The following CD34 variants were observed in gnomAD, a reference collection of about 807,000 sequenced individuals.
CD34 encodes the protein hematopoietic progenitor cell antigen CD34.
CD34 carries 34 observed loss-of-function variants against 40.1 expected under a neutral mutation model. That is an observed-to-expected ratio of 0.85 (90% confidence interval 0.65 to 1.13). The LOEUF is 1.13. Among genes scored for constraint, CD34 ranks in the 50% most tolerant of loss-of-function variants. The pLI is 0.00. For synonymous variants in CD34, 209 were observed against 190.0 expected, an observed-to-expected ratio of 1.10 and a Z score of -0.82; for missense variants, 426 against 466.9, an observed-to-expected ratio of 0.91 and a Z score of 0.81.
rs116284765 is a variant in CD34, at chr1:207,888,908, C to T, written c.808-62G>A. The T allele has an allele frequency of 1.8e-3, 2,743 of 1,541,208 alleles. 46 individuals are homozygous for T. In the African/African-American group the frequency reaches 0.03, roughly 17 times the overall value. On this transcript the variant is annotated intron_variant, in intron 6 of 7. Coordinates refer to ENST00000310833, the MANE Select transcript of CD34 (RefSeq NM_001025109.2). The stretch of plus-strand genomic sequence containing the variant: ...TGCCAAAAGTGGAGCCCAGCCCGCT[C>T]CAGCCCTCTGTGTGTGACTCAACAG...
intron 4 of CD34, among the ~76,000 whole-genome samples, chr1:207,891,408 G>A (rs909430407): frequency 1.2e-4 from 18 of 152,142 alleles, no homozygotes; most frequent in African/African-American, 3.9e-4. Context: ...CCAACCAGGC[G>A]CGGTGACTCA....
At chr1:207,899,398 C>A (rs1024645460) in intron 2 of CD34, among the ~76,000 whole-genome samples, 172 bp from the exon 3 acceptor site, 1 of 152,152 alleles carries the variant, frequency 6.6e-6, no homozygotes, top group African/African-American at 2.4e-5. Flanking sequence ...GGAACAAGAG[C>A]TAGAATCTAG....
At chr1:207,905,426 G>A (rs1024900876) in intron 1 of CD34, among the ~76,000 whole-genome samples, 4 of 152,208 alleles carry the variant, frequency 2.6e-5, no homozygotes, top group African/African-American at 4.8e-5. Context: ...ATGAGCCACC[G>A]TGCGTGGCCG....
At chr1:207,890,996 G>A (rs2745955) in intron 4 of CD34, among the ~76,000 whole-genome samples, 33,645 of 152,040 alleles carry the variant, frequency 0.22, 4,758 homozygotes, top group Non-Finnish European at 0.32. Context: ...TTGTCTCAGG[G>A]GAGCCTTACA....
At chr1:207,894,959 C>T (rs1304859003) in intron 4 of CD34, among the ~76,000 whole-genome samples, 1 of 152,144 alleles carries the variant, frequency 6.6e-6, no homozygotes, top group Non-Finnish European at 1.5e-5. Context: ...TAGACTCATG[C>T]ACATATATTC....
intron 2 of CD34, 134 bp from the exon 3 acceptor site, chr1:207,899,360 TC>T: frequency 2.3e-6 from 2 of 885,434 alleles, no homozygotes; most frequent in Non-Finnish European, 3.6e-6. Context: ...TCGTGTCCCA[TC>T]CCTGACCAAA....
rs899073534 is a variant in CD34, at chr1:207,882,212, A to C, written c.*5526T>G. The C allele has an allele frequency of 6.6e-6, 1 of 152,286 alleles. No individual in the cohort carries two copies. Among genetic ancestry groups the C allele is most frequent in the African/African-American group, 2.4e-5 (1 of 41,464 alleles). 9.4% of individuals were successfully genotyped at this position (152,286 alleles called of 1,614,324 possible). A position where few individuals can be genotyped will look rare whatever the true frequency, so the allele number is the denominator to read the frequency against. Reference sequence around the variant, plus strand: ...GAGGGACTTTTGGACTCAAGGAATGACATGGCACCAGGGTGGTATCAGCAG... The same window carrying C: ...GAGGGACTTTTGGACTCAAGGAATGCCATGGCACCAGGGTGGTATCAGCAG... On this transcript the variant is annotated 3_prime_UTR_variant, in exon 8 of 8. Transcript: ENST00000310833.
In CD34 at chr1:207,882,721, C is replaced by G. The variant is rs1661829875; in HGVS notation, c.*5017G>C. On this transcript the variant is annotated 3_prime_UTR_variant, in exon 8 of 8. Transcript: ENST00000310833. ...CACATTTCTGGAACAATCACCCTCA[C>G]TTTGCTCCTGGGACAAGGCTTCTTC... 1 of 152,254 alleles carries G rather than the reference C, an allele frequency of 6.6e-6. No homozygotes were observed. Among genetic ancestry groups the G allele is most frequent in the Non-Finnish European group, 1.5e-5 (1 of 68,076 alleles). The allele number at this position is 152,254 out of a possible 1,614,324, so 9.4% of individuals were successfully genotyped here.
intron 2 of CD34, 49 bp from the exon 3 acceptor site, chr1:207,899,275 T>C (rs368478737): frequency 3.1e-6 from 5 of 1,597,322 alleles, no homozygotes; most frequent in Non-Finnish European, 3.4e-6. Context: ...TGCTCATAGA[T>C]ACACAAAATC....
At position 207,899,342 on chromosome 1, in the gene CD34, C is replaced by T. The variant is rs1050022972; in HGVS notation, c.263-116G>A. 5.4e-6 allele frequency: 6 copies of T among 1,116,176 alleles called. No individual in the cohort carries two copies. In the African/African-American group the frequency reaches 9.3e-5, roughly 17 times the overall value. 69.1% of individuals were successfully genotyped at this position (1,116,176 alleles called of 1,614,324 possible). A position where few individuals can be genotyped will look rare whatever the true frequency, so the allele number is the denominator to read the frequency against. ...CAGAAAAGGGAGTTTGGGGAGTTAACAGTTACTTCGTGTCCCATCCCTGAC... is the reference window on the plus strand; with the variant it reads ...CAGAAAAGGGAGTTTGGGGAGTTAATAGTTACTTCGTGTCCCATCCCTGAC... On this transcript the variant is annotated intron_variant, in intron 2 of 7. Transcript: ENST00000310833.
intron 1 of CD34, among the ~76,000 whole-genome samples, chr1:207,901,895 T>C (rs879714520): frequency 2.0e-5 from 3 of 152,158 alleles, no homozygotes; most frequent in Non-Finnish European, 4.4e-5. Flanking sequence ...TCTCTAAATT[T>C]TCCTGATTGG....
chr1:207,902,563 C>T (rs776331436), intron 1 of CD34, among the ~76,000 whole-genome samples: 1 of 152,202 alleles, frequency 6.6e-6, no homozygotes, highest in Non-Finnish European at 1.5e-5. Context: ...TCTCAAGACA[C>T]CATTCCAAGA....
intron 1 of CD34, among the ~76,000 whole-genome samples, chr1:207,901,804 G>A (rs76210865): frequency 0.033 from 5,084 of 152,278 alleles, 290 homozygotes; most frequent in African/African-American, 0.11. Flanking sequence ...TGTTAAGGGT[G>A]AACTTGGTAT....
At chr1:207,900,679 T>C (rs959275458) in intron 1 of CD34, among the ~76,000 whole-genome samples, 4 of 152,182 alleles carry the variant, frequency 2.6e-5, no homozygotes, top group Admixed American at 2.0e-4. Context: ...TTTAGCATGC[T>C]CTGACCTAGG....
At chr1:207,898,039 AT>A (rs1345101389) in intron 3 of CD34, among the ~76,000 whole-genome samples, 1 of 74,370 alleles carries the variant, frequency 1.3e-5, no homozygotes, top group Non-Finnish European at 3.4e-5. Context: ...TCTTTTATTT[AT>A]TTATTTATTT....
rs1661815332 is a variant in CD34, at chr1:207,881,725, A to T, written c.*6013T>A. Reference sequence around the variant, plus strand: ...CAGCCAGATATTAGAGAGATTTACCAAAGTCTAAAACAATGACACTCTTTT... The same window carrying T: ...CAGCCAGATATTAGAGAGATTTACCTAAGTCTAAAACAATGACACTCTTTT... On this transcript the variant is annotated 3_prime_UTR_variant, in exon 8 of 8. Coordinates refer to ENST00000310833, the MANE Select transcript of CD34 (RefSeq NM_001025109.2). The T allele has an allele frequency of 6.6e-6, 1 of 151,886 alleles. No homozygotes were observed. The highest frequency in any genetic ancestry group is 2.1e-4 in the South Asian group (1 of 4,824). 9.4% of individuals were successfully genotyped at this position (151,886 alleles called of 1,614,324 possible).
intron 2 of CD34, 55 bp from the exon 3 acceptor site, chr1:207,899,281 A>T: frequency 6.3e-7 from 1 of 1,586,368 alleles, no homozygotes; most frequent in Non-Finnish European, 8.6e-7. Flanking sequence ...TAGATACACA[A>T]AATCTCAGGT....
At chr1:207,889,351 C>T in intron 5 of CD34, 114 bp downstream of exon 5, 1 of 1,538,268 alleles carries the variant, frequency 6.5e-7, no homozygotes, top group Admixed American at 1.9e-5. Flanking sequence ...CCAGCCAAGT[C>T]CTTCTCCCCA....
At position 207,911,049 on chromosome 1, in the gene CD34, G is replaced by A; in HGVS notation, c.32C>T (p.Pro11Leu). The A allele has an allele frequency of 6.3e-7, 1 of 1,592,832 alleles. No homozygotes were observed. The highest frequency in any genetic ancestry group is 8.5e-7 in the Non-Finnish European group (1 of 1,173,150). The change falls in exon 1 of 8, where the codon CCC (proline) becomes CTC (leucine). Residue 11 changes from proline (P) to leucine (L), a missense_variant. Coordinates refer to ENST00000310833, the MANE Select transcript of CD34 (RefSeq NM_001025109.2). ...CGCGGTCCAGCCCCGCGGCATCCTG[G>A]GCCCTGCGCGCGCGCCCCTGCGGAC... MLVRRGARAG[P>L]RMPRGWTALC...
Sources: allele counts gnomAD v4.1 joint callset (sites outside exome capture counted in the v4.1 genomes callset), GRCh38; gene constraint gnomAD v4.1.1; transcripts MANE v1.5; gene names NCBI Gene and HGNC (gene_info 2026-07-23, HGNC 2026-07-21).